The following ATG10 variants were observed in gnomAD, a reference collection of about 807,000 sequenced individuals.
ATG10 encodes ubiquitin-like-conjugating enzyme ATG10.
In ATG10, 30 loss-of-function variants were observed where a neutral mutation model predicts 32.1. The ratio of observed to expected loss-of-function variants is 0.94; its 90% CI spans 0.70 to 1.27. The LOEUF is 1.27. Ranked by LOEUF, ATG10 falls within the 50% of genes most tolerant of loss-of-function variation. The pLI, the probability that ATG10 is intolerant of heterozygous loss-of-function variation, is 0.00. For synonymous variants in ATG10, 87 were observed against 91.5 expected (o/e 0.95, Z 0.28); for missense variants, 233 against 262.3 (o/e 0.89, Z 0.77).
At chr5:82,082,859 A>T (rs183040188) in intron 3 of ATG10, among the ~76,000 whole-genome samples, 2 of 152,346 alleles carry the variant, frequency 1.3e-5, no homozygotes, top group South Asian at 2.1e-4. Flanking sequence ...GTAGAAAATT[A>T]AAAAATACTG....
intron 3 of ATG10, among the ~76,000 whole-genome samples, chr5:82,093,766 G>A (rs774154295): frequency 9.9e-5 from 15 of 152,174 alleles, no homozygotes; most frequent in African/African-American, 2.9e-4. Context: ...TTGTTTTGGG[G>A]TACAGTTATG....
rs553710711 is a variant in ATG10 at position 82,208,129 on chromosome 5, CAT to C, written c.453+29543_453+29544del. ...ACCTTAGTTACACATAAAGTTTCCACATGTTCTTGGATCTGTTTTTGGATTCT... is the reference window on the plus strand; with the variant it reads ...ACCTTAGTTACACATAAAGTTTCCACGTTCTTGGATCTGTTTTTGGATTCT... On this transcript the variant is annotated intron_variant, in intron 5 of 7. Coordinates refer to ENST00000282185, the MANE Select transcript of ATG10 (RefSeq NM_031482.5). Among the ~76,000 whole-genome samples the C allele has an allele frequency of 1.6e-4, 25 of 152,286 alleles. No homozygotes were observed. In the East Asian group the frequency reaches 4.6e-3, roughly 28 times the overall value.
chr5:82,230,496 T>G (rs1471399018), intron 5 of ATG10, among the ~76,000 whole-genome samples: 6 of 151,980 alleles, frequency 3.9e-5, no homozygotes, highest in Admixed American at 6.6e-5. Flanking sequence ...CACTTTGGGA[T>G]GCCGAGGCGG....
intron 3 of ATG10, among the ~76,000 whole-genome samples, chr5:82,084,525 C>A (rs1049535685): frequency 1.3e-5 from 2 of 152,098 alleles, no homozygotes; most frequent in Non-Finnish European, 2.9e-5. Context: ...CAAGACACAT[C>A]ATTGTCAGAT....
At chr5:81,990,559 C>T (rs989746265) in intron 2 of ATG10, among the ~76,000 whole-genome samples, 3 of 152,148 alleles carry the variant, frequency 2.0e-5, no homozygotes, top group African/African-American at 7.2e-5. Context: ...GCCCCAGAAC[C>T]AGTTTTCAGG....
At chr5:82,219,467 T>G (rs1162602188) in intron 5 of ATG10, among the ~76,000 whole-genome samples, 1 of 152,254 alleles carries the variant, frequency 6.6e-6, no homozygotes. Flanking sequence ...AGACACATAG[T>G]GTTGGCATGT....
chr5:82,146,441 G>A (rs184900468), intron 3 of ATG10, among the ~76,000 whole-genome samples: 178 of 152,072 alleles, frequency 1.2e-3, no homozygotes, highest in Admixed American at 2.0e-3. Flanking sequence ...TAAACTTCTT[G>A]AGTCAGTAAA....
At chr5:82,250,074 C>T (rs1747193594) in intron 5 of ATG10, among the ~76,000 whole-genome samples, 1 of 152,166 alleles carries the variant, frequency 6.6e-6, no homozygotes, top group South Asian at 2.1e-4. Flanking sequence ...CCTCTTTATT[C>T]CTTCCATTGG....
intron 5 of ATG10, among the ~76,000 whole-genome samples, chr5:82,200,270 T>C (rs1745012867): frequency 1.3e-5 from 2 of 152,196 alleles, no homozygotes; most frequent in African/African-American, 4.8e-5. Context: ...TTCCTCCATG[T>C]CTTTACCGGC....
At chr5:82,147,609 T>G (rs1181533780) in intron 3 of ATG10, 1 of 152,270 alleles carries the variant, frequency 6.6e-6, no homozygotes, top group Non-Finnish European at 1.5e-5. Flanking sequence ...TTCAGCTCTT[T>G]TAACCTGAGT....
intron 2 of ATG10, among the ~76,000 whole-genome samples, chr5:82,044,485 C>G (rs1287205644): frequency 6.6e-6 from 1 of 151,732 alleles, no homozygotes; most frequent in Non-Finnish European, 1.5e-5. Context: ...TCATATTTAC[C>G]TATTTCTTCT....
intron 2 of ATG10, among the ~76,000 whole-genome samples, chr5:82,033,904 T>C (rs1762819938): frequency 6.7e-6 from 1 of 149,520 alleles, no homozygotes; most frequent in Non-Finnish European, 1.5e-5. Context: ...TGTATATATG[T>C]ACTATGTATA....
intron 2 of ATG10, among the ~76,000 whole-genome samples, chr5:81,990,830 T>C (rs1220759251): frequency 6.6e-6 from 1 of 152,006 alleles, no homozygotes; most frequent in East Asian, 1.9e-4. Flanking sequence ...GAAACAGGAG[T>C]CCAAGTGTTA....
intron 2 of ATG10, among the ~76,000 whole-genome samples, chr5:82,031,907 G>A (rs1285690979): frequency 2.0e-5 from 3 of 152,268 alleles, no homozygotes; most frequent in African/African-American, 7.2e-5. Flanking sequence ...TGTATGGAAA[G>A]AATCTGAGCT....
At chr5:82,002,233 T>C (rs775341223) in intron 2 of ATG10, among the ~76,000 whole-genome samples, 1 of 152,210 alleles carries the variant, frequency 6.6e-6, no homozygotes, top group Non-Finnish European at 1.5e-5. Flanking sequence ...AGTTTGGCAA[T>C]TTTCCAAAGA....
chr5:82,077,600 C>T (rs1764321319), intron 3 of ATG10, among the ~76,000 whole-genome samples: 2 of 151,432 alleles, frequency 1.3e-5, no homozygotes, highest in Admixed American at 1.3e-4. Context: ...TCAACTGCTT[C>T]TATTAAGATA....
At chr5:81,978,105 T>A (rs1760919597) in intron 1 of ATG10, among the ~76,000 whole-genome samples, 1 of 152,208 alleles carries the variant, frequency 6.6e-6, no homozygotes, top group Non-Finnish European at 1.5e-5. Flanking sequence ...AGTCTTGCTC[T>A]GTCGCCCAAG....
At chr5:82,139,305 T>C (rs374790083) in intron 3 of ATG10, among the ~76,000 whole-genome samples, 11 of 144,168 alleles carry the variant, frequency 7.6e-5, no homozygotes, top group African/African-American at 1.3e-4. Context: ...GGCCGCCCAT[T>C]GTCTGGGATG....
chr5:82,099,721 A>T (rs928283022), intron 3 of ATG10, among the ~76,000 whole-genome samples: 3 of 152,092 alleles, frequency 2.0e-5, no homozygotes, highest in Non-Finnish European at 4.4e-5. Context: ...AATCATAAAT[A>T]TGTTTTTACA....
Sources: gnomAD v4.1 joint callset for allele counts (sites outside exome capture counted in the v4.1 genomes callset) on GRCh38, gnomAD v4.1.1 for gene constraint, MANE v1.5 for transcripts, NCBI Gene and HGNC (gene_info 2026-07-23, HGNC 2026-07-21) for gene names.